Variants in ROR2 observed in about 807,000 individuals in gnomAD.
ROR2 encodes tyrosine-protein kinase transmembrane receptor ROR2.
Under a neutral mutation model 74.9 loss-of-function variants are expected in ROR2, and 33 were observed. The observed-to-expected ratio is 0.44, with a 90% CI of 0.33 to 0.59. ROR2 has a LOEUF of 0.59. Among genes scored for constraint, ROR2 ranks in the 20% least tolerant of loss-of-function variants. The probability of loss-of-function intolerance (pLI) is 0.02; values close to 1 mark genes in which losing one functional copy is unlikely to be tolerated. For missense variants in ROR2, 1,216 were observed against 1,313.8 expected, an observed-to-expected ratio of 0.93 and a Z score of 1.15; for synonymous variants, 586 against 558.7, an observed-to-expected ratio of 1.05 and a Z score of -0.69.
rs1368551712 is a variant in ROR2, at chr9:91,723,434, G to A, written c.*228C>T. On this transcript the variant is annotated 3_prime_UTR_variant, in exon 9 of 9. Transcript: ENST00000375708. ...GATGACCATGTGTCCTGCTCCCCAGGACGCCGTGCTGCCAGACCCCCTGCC... is the reference window on the plus strand; with the variant it reads ...GATGACCATGTGTCCTGCTCCCCAGAACGCCGTGCTGCCAGACCCCCTGCC... The A allele has an allele frequency of 6.5e-6, 4 of 611,758 alleles. No homozygotes were observed. The highest frequency in any genetic ancestry group is 4.5e-4 in the Middle Eastern group (1 of 2,232). The allele number at this position is 611,758 out of a possible 1,614,324, so 37.9% of individuals were successfully genotyped here. A position where few individuals can be genotyped will look rare whatever the true frequency, so the allele number is the denominator to read the frequency against.
intron 1 of ROR2, among the ~76,000 whole-genome samples, chr9:91,889,453 G>A (rs1224742846): frequency 1.3e-5 from 2 of 152,172 alleles, no homozygotes; most frequent in African/African-American, 2.4e-5. Flanking sequence ...AGACGTGGTT[G>A]GGGGGTGCCT....
At chr9:91,801,010 T>C (rs1827357973) in intron 1 of ROR2, among the ~76,000 whole-genome samples, 1 of 152,180 alleles carries the variant, frequency 6.6e-6, no homozygotes, top group African/African-American at 2.4e-5. Flanking sequence ...GAAGGGCCCC[T>C]GGGAACTCTG....
chr9:91,876,608 C>G (rs1829962294), intron 1 of ROR2, among the ~76,000 whole-genome samples: 1 of 152,156 alleles, frequency 6.6e-6, no homozygotes, highest in Admixed American at 6.5e-5. Flanking sequence ...GAAAACAAAT[C>G]ACTCCAGAGG....
chr9:91,728,231 T>G (rs181973676), intron 7 of ROR2, among the ~76,000 whole-genome samples: 92 of 152,258 alleles, frequency 6.0e-4, no homozygotes, highest in Middle Eastern at 3.4e-3. Context: ...CAAAAGATAG[T>G]ATTTCTAACA....
intron 4 of ROR2, among the ~76,000 whole-genome samples, chr9:91,748,221 G>T (rs1825491464): frequency 1.3e-5 from 2 of 151,926 alleles, no homozygotes; most frequent in Non-Finnish European, 2.9e-5. Context: ...GTTTCAGTGA[G>T]CCAAGACTGT....
At chr9:91,787,639 G>A (rs111602702) in intron 1 of ROR2, among the ~76,000 whole-genome samples, 4 of 152,092 alleles carry the variant, frequency 2.6e-5, no homozygotes, top group African/African-American at 7.2e-5. Flanking sequence ...TAACAGTAAC[G>A]AGGCAAACAC....
chr9:91,850,414 C>T (rs1044572939), intron 1 of ROR2, among the ~76,000 whole-genome samples: 8 of 85,648 alleles, frequency 9.3e-5, no homozygotes, highest in African/African-American at 3.1e-4. Context: ...AAGAGACGAC[C>T]CTGGACAATC....
In ROR2 at chr9:91,819,401, G is replaced by A. The variant is rs143938108; in HGVS notation, c.98-43583C>T. Among the ~76,000 whole-genome samples, 621 of 152,242 alleles carry A rather than the reference G, an allele frequency of 4.1e-3. 5 individuals carry two copies. Among genetic ancestry groups the A allele is most frequent in the African/African-American group, 0.014 (586 of 41,538 alleles). On this transcript the variant is annotated intron_variant, in intron 1 of 8. Transcript: ENST00000375708. ...TGTCTGTGACGATGCACGTGTCTAC[G>A]TGTGTGTCTTTGAGTGTGTCTGTTA...
chr9:91,949,208 C>T (rs1438220813), intron 1 of ROR2, among the ~76,000 whole-genome samples: 1 of 151,922 alleles, frequency 6.6e-6, no homozygotes, highest in African/African-American at 2.4e-5. Flanking sequence ...AGATCACACA[C>T]CACTTCGGCC....
intron 1 of ROR2, among the ~76,000 whole-genome samples, chr9:91,860,453 A>T (rs1829437675): frequency 6.6e-6 from 1 of 152,230 alleles, no homozygotes; most frequent in Non-Finnish European, 1.5e-5. Flanking sequence ...CCAGAGAGAC[A>T]GAGCCAATAG....
chr9:91,738,000 G>A (rs142273393), intron 4 of ROR2, among the ~76,000 whole-genome samples: 1 of 152,288 alleles, frequency 6.6e-6, no homozygotes, highest in African/African-American at 2.4e-5. Context: ...GGGTTATGAG[G>A]GAGGGAGGGA....
chr9:91,896,745 G>A (rs1300649884), intron 1 of ROR2, among the ~76,000 whole-genome samples: 1 of 150,350 alleles, frequency 6.7e-6, no homozygotes, highest in African/African-American at 2.4e-5. Flanking sequence ...TTTTTCATTT[G>A]GGCTTAGAAC....
chr9:91,839,111 A>G (rs1828700263), intron 1 of ROR2, among the ~76,000 whole-genome samples: 1 of 152,218 alleles, frequency 6.6e-6, no homozygotes, highest in African/African-American at 2.4e-5. Context: ...CAAGCGTGGG[A>G]TGACAGCAGC....
In ROR2 at chr9:91,746,739, TGA is replaced by T. The variant is rs1457173903; in HGVS notation, c.495-9223_495-9222del. 9.2e-5 allele frequency among the ~76,000 whole-genome samples: 14 copies of T among 152,312 alleles called. No homozygotes were observed. In the South Asian group the frequency reaches 2.5e-3, roughly 27 times the overall value. ...GAACGGCTGAAGTCTTGGAATTAAC[TGA>T]TTCTTGTTCCCATAAGAAAATAACA... On this transcript the variant is annotated intron_variant, in intron 4 of 8. Coordinates refer to ENST00000375708, the MANE Select transcript of ROR2 (RefSeq NM_004560.4).
intron 1 of ROR2, among the ~76,000 whole-genome samples, chr9:91,879,896 AT>A (rs933004507): frequency 1.3e-5 from 2 of 151,980 alleles, no homozygotes; most frequent in African/African-American, 4.8e-5. Context: ...GCTTGCACTC[AT>A]TTTTTCTGAG....
chr9:91,917,298 A>C lies in ROR2; in HGVS notation c.97+32569T>G, dbSNP rs1259375167. Among the ~76,000 whole-genome samples, 5 of 152,226 alleles carry C rather than the reference A, an allele frequency of 3.3e-5. No individual in the cohort carries two copies. In the East Asian group the frequency reaches 5.8e-4, roughly 18 times the overall value. On this transcript the variant is annotated intron_variant, in intron 1 of 8. Transcript: ENST00000375708. Reference sequence around the variant, plus strand: ...TTTGGCCAATACCATCTAAAAATCAACATAGGAAAAATAATCTCAAACCCA... The same window carrying C: ...TTTGGCCAATACCATCTAAAAATCACCATAGGAAAAATAATCTCAAACCCA...
At chr9:91,920,182 C>CT in intron 1 of ROR2, among the ~76,000 whole-genome samples, 1 of 152,300 alleles carries the variant, frequency 6.6e-6, no homozygotes, top group Admixed American at 6.5e-5. Flanking sequence ...AGCATTTTTA[C>CT]TTTAACTTTA....
intron 1 of ROR2, among the ~76,000 whole-genome samples, chr9:91,934,471 C>T (rs1429777061): frequency 6.6e-6 from 1 of 152,210 alleles, no homozygotes; most frequent in East Asian, 1.9e-4. Flanking sequence ...GCAACCCACC[C>T]ACCCACACAC....
intron 1 of ROR2, among the ~76,000 whole-genome samples, chr9:91,903,137 A>G (rs1179553240): frequency 6.9e-6 from 1 of 145,158 alleles, no homozygotes; most frequent in Non-Finnish European, 1.5e-5. Context: ...AAATACATAT[A>G]CTTAAACAAA....
Sources: gnomAD v4.1 joint callset for allele counts (sites outside exome capture counted in the v4.1 genomes callset) on GRCh38, gnomAD v4.1.1 for gene constraint, MANE v1.5 for transcripts, NCBI Gene and HGNC (gene_info 2026-07-23, HGNC 2026-07-21) for gene names.